RBMS3: variants seen among roughly 807,000 people sequenced by gnomAD.
RBMS3 encodes the protein RNA binding motif single stranded interacting protein 3, also known as RNA-binding motif, single-stranded-interacting protein 3.
In RBMS3, 27 loss-of-function variants were observed where a neutral mutation model predicts 66.8. The observed-to-expected ratio is 0.40, with a 90% CI of 0.30 to 0.56. The LOEUF is 0.56. RBMS3 is among the 20% of genes least tolerant of loss of function. RBMS3 has a pLI of 0.40. For synonymous variants in RBMS3, 188 were observed against 183.0 expected, an observed-to-expected ratio of 1.03 and a Z score of -0.22; for missense variants, 513 against 549.5, an observed-to-expected ratio of 0.93 and a Z score of 0.66.
At chr3:29,575,319 A>G (rs1459875249) in intron 3 of RBMS3, among the ~76,000 whole-genome samples, 1 of 151,084 alleles carries the variant, frequency 6.6e-6, no homozygotes, top group Non-Finnish European at 1.5e-5. Flanking sequence ...TAAATATGTC[A>G]TGCCACTCTC....
At chr3:29,890,078 G>A (rs2059963648) in intron 8 of RBMS3, among the ~76,000 whole-genome samples, 1 of 151,592 alleles carries the variant, frequency 6.6e-6, no homozygotes. Flanking sequence ...TAAAGAAATA[G>A]GAGGATTATA....
chr3:29,764,498 G>A (rs144458030), intron 6 of RBMS3, among the ~76,000 whole-genome samples: 141 of 151,854 alleles, frequency 9.3e-4, no homozygotes, highest in Admixed American at 3.0e-3. Flanking sequence ...TCATCCAACG[G>A]ATACCTATTT....
chr3:29,496,195 C>CAAA (rs60639896), intron 3 of RBMS3, among the ~76,000 whole-genome samples: 6 of 110,500 alleles, frequency 5.4e-5, no homozygotes, highest in African/African-American at 1.9e-4. Flanking sequence ...CCGCCCACAT[C>CAAA]AAAAAAAAAA....
chr3:30,001,180 C>T (rs897434861), intron 14 of RBMS3, among the ~76,000 whole-genome samples: 6 of 152,060 alleles, frequency 3.9e-5, no homozygotes, highest in Non-Finnish European at 5.9e-5. Flanking sequence ...CTAACCACTT[C>T]TTTAAGTTTA....
At chr3:29,448,776 T>G (rs1178303985) in intron 2 of RBMS3, among the ~76,000 whole-genome samples, 2 of 152,180 alleles carry the variant, frequency 1.3e-5, no homozygotes, top group African/African-American at 4.8e-5. Context: ...ATTATTTCAT[T>G]TAATTATCAA....
chr3:29,899,609 C>T (rs1447946832), intron 9 of RBMS3, 96 bp from the exon 10 acceptor site: 27 of 1,026,086 alleles, frequency 2.6e-5, no homozygotes, highest in Non-Finnish European at 3.4e-5. Context: ...GTCAGGTGGA[C>T]TCCACTTTCT....
At chr3:29,494,733 G>T (rs915416810) in intron 3 of RBMS3, among the ~76,000 whole-genome samples, 6 of 152,148 alleles carry the variant, frequency 3.9e-5, no homozygotes, top group South Asian at 2.1e-4. Context: ...AATCTTAAAA[G>T]AATTCACTTG....
At chr3:29,875,973 G>T (rs971798499) in intron 7 of RBMS3, among the ~76,000 whole-genome samples, 1 of 152,136 alleles carries the variant, frequency 6.6e-6, no homozygotes, top group South Asian at 2.1e-4. Context: ...ACAATATTAA[G>T]ACCCCTTTGA....
intron 1 of RBMS3, among the ~76,000 whole-genome samples, chr3:29,329,425 A>G (rs1402507103): frequency 6.6e-6 from 1 of 152,116 alleles, no homozygotes; most frequent in African/African-American, 2.4e-5. Flanking sequence ...ATCACAGGAG[A>G]GTCTATAGTT....
chr3:29,916,715 C>T (rs746553005), intron 10 of RBMS3, among the ~76,000 whole-genome samples: 8 of 151,544 alleles, frequency 5.3e-5, no homozygotes, highest in Admixed American at 1.3e-4. Flanking sequence ...TAAGAGAATA[C>T]GAAACATGTG....
In RBMS3 at chr3:29,698,819, C is replaced by T. The variant is rs187202832; in HGVS notation, c.400-40901C>T. On this transcript the variant is annotated intron_variant, in intron 4 of 14. Transcript: ENST00000383767. ...ATGTAATTACACATTTTTTGTTGTA[C>T]GAAAAATTTATATAATTAATACTAC... Among the ~76,000 whole-genome samples the T allele has an allele frequency of 4.2e-3, 640 of 151,904 alleles. 6 individuals are homozygous for T. The highest frequency in any genetic ancestry group is 0.014 in the African/African-American group (585 of 41,458).
At chr3:29,395,065 T>A (rs1163153923) in intron 1 of RBMS3, among the ~76,000 whole-genome samples, 1 of 152,226 alleles carries the variant, frequency 6.6e-6, no homozygotes, top group East Asian at 1.9e-4. Context: ...TTTAGTTTTA[T>A]GTATGCTGGG....
intron 3 of RBMS3, among the ~76,000 whole-genome samples, chr3:29,586,313 C>T (rs1216790931): frequency 3.3e-5 from 5 of 152,008 alleles, no homozygotes; most frequent in South Asian, 4.1e-4. Context: ...TCATTGATGC[C>T]GTTTTACTAT....
chr3:29,721,277 T>C (rs993434219), intron 4 of RBMS3, among the ~76,000 whole-genome samples: 4 of 152,142 alleles, frequency 2.6e-5, no homozygotes, highest in Admixed American at 2.6e-4. Context: ...TCTTTAATGA[T>C]AAAAATACCC....
At chr3:29,942,194 A>G (rs1334452062) in intron 11 of RBMS3, among the ~76,000 whole-genome samples, 1 of 151,756 alleles carries the variant, frequency 6.6e-6, no homozygotes. Flanking sequence ...AATAATTGGG[A>G]AAAAGTTTAT....
chr3:29,977,171 A>G lies in RBMS3; in HGVS notation c.1099-10972A>G, dbSNP rs74683338. Among the ~76,000 whole-genome samples, 129 of 152,194 alleles carry G rather than the reference A, an allele frequency of 8.5e-4. 3 individuals are homozygous for G. In the East Asian group the frequency reaches 0.021, roughly 25 times the overall value. ...TAACCAGCTTCATCAGTTTTATAGC[A>G]AGGACTGGAAGCACCAATTTAAAAT... On this transcript the variant is annotated intron_variant, in intron 12 of 14. Transcript: ENST00000383767.
intron 1 of RBMS3, among the ~76,000 whole-genome samples, chr3:29,402,884 C>A (rs561270213): frequency 2.0e-5 from 3 of 151,794 alleles, no homozygotes; most frequent in Non-Finnish European, 2.9e-5. Context: ...TTTATGGACA[C>A]AAAATAACTC....
chr3:29,869,463 A>G (rs114756330), intron 7 of RBMS3, among the ~76,000 whole-genome samples: 1,729 of 152,130 alleles, frequency 0.011, 40 homozygotes, highest in African/African-American at 0.039. Context: ...CTGTTTATAT[A>G]TGTATATACA....
At chr3:29,971,895 G>T (rs978335234) in intron 12 of RBMS3, among the ~76,000 whole-genome samples, 4 of 152,010 alleles carry the variant, frequency 2.6e-5, no homozygotes, top group African/African-American at 9.7e-5. Flanking sequence ...TAAAAAAAAA[G>T]TTTGAACACA....
Sources: gnomAD v4.1 joint callset for allele counts (sites outside exome capture counted in the v4.1 genomes callset) on GRCh38, gnomAD v4.1.1 for gene constraint, MANE v1.5 for transcripts, NCBI Gene and HGNC (gene_info 2026-07-23, HGNC 2026-07-21) for gene names.